CNTNAP2: variants seen among roughly 807,000 people sequenced by gnomAD.
The protein encoded by CNTNAP2 is contactin-associated protein-like 2.
Under a neutral mutation model 155.2 loss-of-function variants are expected in CNTNAP2, and 98 were observed. The ratio of observed to expected loss-of-function variants is 0.63; its 90% CI spans 0.54 to 0.75. The LOEUF is 0.75. Ranked by LOEUF, CNTNAP2 falls within the 30% of genes least tolerant of loss-of-function variation. CNTNAP2 has a pLI of 0.00. For missense variants in CNTNAP2, 1,727 were observed against 1,688.1 expected, an observed-to-expected ratio of 1.02 and a Z score of -0.40; for synonymous variants, 651 against 631.2, an observed-to-expected ratio of 1.03 and a Z score of -0.47.
At chr7:147,048,782 C>T (rs1374962947) in intron 4 of CNTNAP2, among the ~76,000 whole-genome samples, 40 of 152,062 alleles carry the variant, frequency 2.6e-4, no homozygotes, top group Admixed American at 2.6e-3. Flanking sequence ...CTTAGAGGAA[C>T]CAAAACATCA....
At chr7:146,633,923 G>T (rs1250443267) in intron 1 of CNTNAP2, among the ~76,000 whole-genome samples, 1 of 149,900 alleles carries the variant, frequency 6.7e-6, no homozygotes, top group African/African-American at 2.5e-5. Flanking sequence ...AGAGACGATA[G>T]ACATTTCTTC....
intron 2 of CNTNAP2, among the ~76,000 whole-genome samples, chr7:146,824,322 A>G (rs575405049): frequency 2.6e-5 from 4 of 152,306 alleles, no homozygotes; most frequent in Middle Eastern, 3.4e-3. Flanking sequence ...AGTCTTTGCT[A>G]TCATAAATAG....
rs145924659 is a variant in CNTNAP2, at chr7:147,946,963, T to C, written c.2256-30899T>C. On this transcript the variant is annotated intron_variant, in intron 14 of 23. Transcript: ENST00000361727. ...GGTCCTGACACTTATTTGTATACCC[T>C]TCTTCACAGGGACAGGGTTGATGAG... 2.6e-5 allele frequency among the ~76,000 whole-genome samples: 4 copies of C among 152,276 alleles called. No individual in the cohort carries two copies. The East Asian group carries it at 7.7e-4, about 29-fold the overall frequency.
At chr7:147,393,534 G>GT (rs936792060) in intron 9 of CNTNAP2, among the ~76,000 whole-genome samples, 2 of 150,564 alleles carry the variant, frequency 1.3e-5, no homozygotes, top group Non-Finnish European at 3.0e-5. Context: ...AGAGTGGTCA[G>GT]TAAGTTACAA....
At chr7:146,389,143 C>G (rs1795503789) in intron 1 of CNTNAP2, among the ~76,000 whole-genome samples, 1 of 151,874 alleles carries the variant, frequency 6.6e-6, no homozygotes, top group Admixed American at 6.6e-5. Flanking sequence ...TCGCAAAAGG[C>G]TTGACTTATT....
chr7:147,848,649 T>G (rs1563109785), intron 13 of CNTNAP2, among the ~76,000 whole-genome samples: 1 of 152,046 alleles, frequency 6.6e-6, no homozygotes, highest in Non-Finnish European at 1.5e-5. Flanking sequence ...AAGTATCTTT[T>G]TCTGCTAAGA....
chr7:147,272,536 T>C (rs1804775318), intron 8 of CNTNAP2, among the ~76,000 whole-genome samples: 1 of 152,020 alleles, frequency 6.6e-6, no homozygotes, highest in Non-Finnish European at 1.5e-5. Context: ...TCCGGCTCTG[T>C]CGCCCAGGCT....
At chr7:146,451,224 GC>G (rs1796476228) in intron 1 of CNTNAP2, among the ~76,000 whole-genome samples, 2 of 152,296 alleles carry the variant, frequency 1.3e-5, no homozygotes, top group African/African-American at 4.8e-5. Context: ...GGGATTACAG[GC>G]GTGAGCCACC....
chr7:148,000,283 C>A (rs552269255), intron 15 of CNTNAP2, among the ~76,000 whole-genome samples: 1 of 152,260 alleles, frequency 6.6e-6, no homozygotes, highest in South Asian at 2.1e-4. Context: ...ATGGGCATGG[C>A]TACCTATGCC....
At chr7:146,223,150 C>T (rs527812534) in intron 1 of CNTNAP2, among the ~76,000 whole-genome samples, 1 of 152,208 alleles carries the variant, frequency 6.6e-6, no homozygotes, top group East Asian at 1.9e-4. Flanking sequence ...TGTGATCATC[C>T]TGAGGTACAC....
intron 3 of CNTNAP2, among the ~76,000 whole-genome samples, chr7:146,883,625 A>G (rs1334853075): frequency 5.3e-5 from 8 of 152,192 alleles, no homozygotes; most frequent in Non-Finnish European, 1.0e-4. Context: ...TTTCAAATGC[A>G]TAAGTACATA....
At chr7:147,249,542 AC>A (rs1804140990) in intron 8 of CNTNAP2, among the ~76,000 whole-genome samples, 1 of 150,418 alleles carries the variant, frequency 6.6e-6, no homozygotes, top group Non-Finnish European at 1.5e-5. Context: ...AAAAGAAACC[AC>A]ATTAGGAAAG....
intron 1 of CNTNAP2, among the ~76,000 whole-genome samples, chr7:146,127,972 T>A (rs1797660609): frequency 6.6e-6 from 1 of 152,194 alleles, no homozygotes; most frequent in South Asian, 2.1e-4. Context: ...ACTTCTATTC[T>A]ATTTGTTTAT....
intron 21 of CNTNAP2, among the ~76,000 whole-genome samples, chr7:148,322,142 C>T (rs1005301469): frequency 1.3e-5 from 2 of 151,994 alleles, no homozygotes; most frequent in African/African-American, 2.4e-5. Context: ...AGGCTGCTCT[C>T]GAACTCCTAA....
chr7:146,566,110 T>A (rs1478680939), intron 1 of CNTNAP2, among the ~76,000 whole-genome samples: 1 of 152,108 alleles, frequency 6.6e-6, no homozygotes, highest in Non-Finnish European at 1.5e-5. Context: ...GTGTAGGCTC[T>A]GGGAGGTGAA....
At chr7:148,362,073 G>C (rs189398876) in intron 21 of CNTNAP2, among the ~76,000 whole-genome samples, 103 of 152,286 alleles carry the variant, frequency 6.8e-4, no homozygotes, top group African/African-American at 1.7e-3. Context: ...GCTGGGCATG[G>C]TAGTGCGTGC....
chr7:147,700,326 C>T (rs1796217549), intron 13 of CNTNAP2, among the ~76,000 whole-genome samples: 1 of 152,126 alleles, frequency 6.6e-6, no homozygotes, highest in African/African-American at 2.4e-5. Flanking sequence ...AGCTTGGGGC[C>T]ACCAGTGCAC....
At chr7:148,138,451 C>T (rs1375337147) in intron 16 of CNTNAP2, among the ~76,000 whole-genome samples, 1 of 152,188 alleles carries the variant, frequency 6.6e-6, no homozygotes, top group Non-Finnish European at 1.5e-5. Flanking sequence ...GATGAACTGG[C>T]TCTCTCTGAC....
chr7:147,035,383 A>G lies in CNTNAP2; in HGVS notation c.403-8524A>G, dbSNP rs568788813. ...ATCAAGGCCGCAAAATGGAAAATCT[A>G]TTTCTACATTTTGACATAAGTTGTT... On this transcript the variant is annotated intron_variant, in intron 3 of 23. Transcript: ENST00000361727. 2.6e-5 allele frequency among the ~76,000 whole-genome samples: 4 copies of G among 152,356 alleles called. No individual in the cohort carries two copies. The South Asian group carries it at 8.3e-4, about 32-fold the overall frequency.
Sources: gnomAD v4.1 joint callset for allele counts (sites outside exome capture counted in the v4.1 genomes callset) on GRCh38, gnomAD v4.1.1 for gene constraint, MANE v1.5 for transcripts, NCBI Gene and HGNC (gene_info 2026-07-23, HGNC 2026-07-21) for gene names.